The following RFX3 variants were observed in gnomAD, a reference collection of about 807,000 sequenced individuals.
RFX3 encodes the protein regulatory factor X3, also known as transcription factor RFX3.
A neutral mutation model predicts 98.6 loss-of-function variants in RFX3; 14 were observed. The observed-to-expected ratio is 0.14, with a 90% CI of 0.09 to 0.22. The LOEUF is 0.22. RFX3 is among the 10% of genes least tolerant of loss of function. The pLI is 1.00. For synonymous variants in RFX3, 383 were observed against 328.4 expected, an observed-to-expected ratio of 1.17 and a Z score of -1.80; for missense variants, 639 against 926.9, an observed-to-expected ratio of 0.69 and a Z score of 4.03.
chr9:3,387,263 T>C (rs979391323), intron 2 of RFX3, among the ~76,000 whole-genome samples: 1 of 152,158 alleles, frequency 6.6e-6, no homozygotes, highest in African/African-American at 2.4e-5. Context: ...ACCCATCAAA[T>C]ACCATGTCAA....
intron 8 of RFX3, among the ~76,000 whole-genome samples, chr9:3,275,981 AC>A (rs1038517934): frequency 3.3e-5 from 5 of 152,162 alleles, no homozygotes; most frequent in Admixed American, 6.6e-5. Flanking sequence ...ACATAAAAAA[AC>A]GAATTTTAAA....
intron 2 of RFX3, among the ~76,000 whole-genome samples, chr9:3,352,246 ATG>A (rs1449305237): frequency 3.3e-5 from 5 of 151,758 alleles, no homozygotes; most frequent in Non-Finnish European, 5.9e-5. Flanking sequence ...AAATGTGTGT[ATG>A]TGTGTGTGCA....
In RFX3 at chr9:3,224,721, T is replaced by C. The variant is rs956200473; in HGVS notation, c.*321A>G. 1 of 200,944 alleles carries C rather than the reference T, an allele frequency of 5.0e-6. No individual in the cohort carries two copies. 12.4% of individuals were successfully genotyped at this position (200,944 alleles called of 1,614,324 possible). On this transcript the variant is annotated 3_prime_UTR_variant, in exon 17 of 17. Transcript: ENST00000617270. ...ATACACCAAGACTAACAATCAACAA[T>C]AAAATATTTTAAGCTACAAAAAATG...
At chr9:3,270,750 G>C in intron 10 of RFX3, 1 of 666,458 alleles carries the variant, frequency 1.5e-6, no homozygotes, top group Admixed American at 2.9e-5. Flanking sequence ...CGGTATGAAA[G>C]GCAGATATGA....
At chr9:3,460,930 T>C (rs552173588) in intron 1 of RFX3, among the ~76,000 whole-genome samples, 2 of 152,032 alleles carry the variant, frequency 1.3e-5, no homozygotes, top group South Asian at 2.1e-4. Flanking sequence ...ACTTCTCCTG[T>C]AGTCTTACTC....
chr9:3,347,391 A>AT (rs916958591), intron 2 of RFX3, among the ~76,000 whole-genome samples: 1 of 152,070 alleles, frequency 6.6e-6, no homozygotes, highest in Non-Finnish European at 1.5e-5. Context: ...TAAAAAGCTG[A>AT]TTTTTTTAAA....
intron 1 of RFX3, among the ~76,000 whole-genome samples, chr9:3,415,507 C>A (rs1842907310): frequency 1.3e-5 from 2 of 151,984 alleles, no homozygotes; most frequent in South Asian, 4.2e-4. Context: ...ATAAAGTATT[C>A]CATTACTGAA....
chr9:3,378,349 G>A lies in RFX3; in HGVS notation c.117+17123C>T, dbSNP rs142712110. The stretch of plus-strand genomic sequence containing the variant: ...GCCACTTGTCAATATTATGAAGTTA[G>A]TTTAAAATCAGACTACATAATCCAT... On this transcript the variant is annotated intron_variant, in intron 2 of 16. Coordinates refer to ENST00000617270, the MANE Select transcript of RFX3 (RefSeq NM_001282116.2). Among the ~76,000 whole-genome samples the A allele has an allele frequency of 6.0e-3, 910 of 152,196 alleles. 5 individuals are homozygous for A. The highest frequency in any genetic ancestry group is 0.021 in the African/African-American group (857 of 41,524).
chr9:3,370,726 G>C (rs1285453750), intron 2 of RFX3, among the ~76,000 whole-genome samples: 1 of 152,028 alleles, frequency 6.6e-6, no homozygotes, highest in Non-Finnish European at 1.5e-5. Flanking sequence ...AAGCAAAAAA[G>C]TATACAAAAT....
Position 3,218,348 on chromosome 9 carries a change from T to C in RFX3, c.*6694A>G, listed in dbSNP as rs1817182449. On this transcript the variant is annotated 3_prime_UTR_variant, in exon 17 of 17. Coordinates refer to ENST00000617270, the MANE Select transcript of RFX3 (RefSeq NM_001282116.2). ...TGATTTTAAAAGACAAGACACCATTTTGTTTTGAAAAACACAAGAAAGCTA... is the reference window on the plus strand; with the variant it reads ...TGATTTTAAAAGACAAGACACCATTCTGTTTTGAAAAACACAAGAAAGCTA... 6.6e-6 allele frequency: 1 copy of C among 152,212 alleles called. No homozygotes were observed. The highest frequency in any genetic ancestry group is 6.5e-5 in the Admixed American group (1 of 15,278). 9.4% of individuals were successfully genotyped at this position (152,212 alleles called of 1,614,324 possible). A position where few individuals can be genotyped will look rare whatever the true frequency, so the allele number is the denominator to read the frequency against.
intron 4 of RFX3, among the ~76,000 whole-genome samples, chr9:3,305,429 C>T (rs1026575114): frequency 6.6e-6 from 1 of 151,920 alleles, no homozygotes; most frequent in African/African-American, 2.4e-5. Context: ...GCAAAGTGTG[C>T]CCAATAAATG....
intron 15 of RFX3, among the ~76,000 whole-genome samples, chr9:3,232,074 A>G (rs935702820): frequency 7.3e-6 from 1 of 136,988 alleles, no homozygotes; most frequent in African/African-American, 2.6e-5. Flanking sequence ...AAGCAAGCAA[A>G]CAAACAAAAA....
intron 2 of RFX3, among the ~76,000 whole-genome samples, chr9:3,391,050 T>A (rs1385955674): frequency 1.3e-5 from 2 of 152,192 alleles, no homozygotes; most frequent in African/African-American, 4.8e-5. Flanking sequence ...AAAGTTACAA[T>A]GAAAAGTTGA....
chr9:3,419,108 A>C (rs1843226532), intron 1 of RFX3, among the ~76,000 whole-genome samples: 1 of 152,220 alleles, frequency 6.6e-6, no homozygotes, highest in Non-Finnish European at 1.5e-5. Flanking sequence ...GGTAACATTC[A>C]GCAGTATAGC....
intron 1 of RFX3, among the ~76,000 whole-genome samples, chr9:3,455,232 G>A (rs555676499): frequency 3.8e-4 from 58 of 152,176 alleles, no homozygotes; most frequent in Non-Finnish European, 6.9e-4. Context: ...CCTTTCTACC[G>A]TTTCAGGTTT....
intron 10 of RFX3, 98 bp from the exon 11 acceptor site, chr9:3,270,623 G>A: frequency 1.6e-6 from 2 of 1,212,194 alleles, no homozygotes; most frequent in Non-Finnish European, 2.3e-6. Context: ...TATTACTGAG[G>A]TTAGAACTAT....
At chr9:3,340,249 A>G (rs929193875) in intron 3 of RFX3, among the ~76,000 whole-genome samples, 2 of 152,210 alleles carry the variant, frequency 1.3e-5, no homozygotes, top group African/African-American at 4.8e-5. Flanking sequence ...TGCAAAAATT[A>G]ATTCAAGATG....
Position 3,301,639 on chromosome 9 carries a change from A to T in RFX3, c.475-19T>A, listed in dbSNP as rs1828672663. On this transcript the variant is annotated intron_variant, in intron 4 of 16. Transcript: ENST00000617270. ...TTTCAATCTGATAATAGATGTCATT[A>T]AAAAAAGGGCTCAAGACAAGATAGT... 6.4e-7 allele frequency: 1 copy of T among 1,552,802 alleles called. No individual in the cohort carries two copies. Among genetic ancestry groups the T allele is most frequent in the South Asian group, 1.2e-5 (1 of 86,700 alleles).
intron 9 of RFX3, among the ~76,000 whole-genome samples, chr9:3,274,413 T>C (rs1824929379): frequency 6.6e-6 from 1 of 152,162 alleles, no homozygotes; most frequent in South Asian, 2.1e-4. Context: ...GACTCTTCTT[T>C]CAAAAGAAGC....
Sources: allele counts gnomAD v4.1 joint callset (sites outside exome capture counted in the v4.1 genomes callset), GRCh38; gene constraint gnomAD v4.1.1; transcripts MANE v1.5; gene names NCBI Gene and HGNC (gene_info 2026-07-23, HGNC 2026-07-21).